PTPRD: variants seen among roughly 807,000 people sequenced by gnomAD.
PTPRD encodes the protein receptor-type tyrosine-protein phosphatase delta.
A neutral mutation model predicts 214.5 loss-of-function variants in PTPRD; 34 were observed. That is an observed-to-expected ratio of 0.16 (90% CI 0.12 to 0.21). The LOEUF (loss-of-function observed/expected upper bound fraction) is 0.21, where lower values mean the gene tolerates loss of function less well. Ranked by LOEUF, PTPRD falls within the 10% of genes least tolerant of loss-of-function variation. The pLI is 1.00. For synonymous variants in PTPRD, 1,128 were observed against 845.7 expected (o/e 1.33, Z -5.79); for missense variants, 2,545 against 2,398.7 (o/e 1.06, Z -1.27).
At chr9:8,618,896 GTTTGTC>G (rs2095706640) in intron 14 of PTPRD, among the ~76,000 whole-genome samples, 1 of 122,830 alleles carries the variant, frequency 8.1e-6, no homozygotes, top group African/African-American at 3.2e-5. Context: ...GTGTGTGTGT[GTTTGTC>G]TGTGTTTTTT....
At chr9:9,673,840 C>T (rs1358141170) in intron 7 of PTPRD, among the ~76,000 whole-genome samples, 1 of 151,418 alleles carries the variant, frequency 6.6e-6, no homozygotes, top group Non-Finnish European at 1.5e-5. Context: ...TGACAGCATA[C>T]CAAAAGATGT....
At chr9:9,554,872 A>G (rs1160084089) in intron 8 of PTPRD, among the ~76,000 whole-genome samples, 1 of 152,118 alleles carries the variant, frequency 6.6e-6, no homozygotes, top group Non-Finnish European at 1.5e-5. Flanking sequence ...AAAACTGCAT[A>G]TTCAATTATT....
chr9:8,581,609 A>G lies in PTPRD; in HGVS notation c.352+51708T>C, dbSNP rs941772378. On this transcript the variant is annotated intron_variant, in intron 14 of 45. Coordinates refer to ENST00000381196, the MANE Select transcript of PTPRD (RefSeq NM_002839.4). ...TAAAAATACAAAAAATTAGCTGGGCATGGTGGCAGATGCCTGTAGTCCCAG... is the reference window on the plus strand; with the variant it reads ...TAAAAATACAAAAAATTAGCTGGGCGTGGTGGCAGATGCCTGTAGTCCCAG... Among the ~76,000 whole-genome samples the G allele has an allele frequency of 3.9e-5, 6 of 152,158 alleles. No individual in the cohort carries two copies. In the East Asian group the frequency reaches 7.8e-4, roughly 20 times the overall value.
At chr9:9,807,175 T>G (rs1297706591) in intron 5 of PTPRD, among the ~76,000 whole-genome samples, 1 of 152,172 alleles carries the variant, frequency 6.6e-6, no homozygotes, top group Non-Finnish European at 1.5e-5. Flanking sequence ...AGCAGAATTA[T>G]TTCCATTGAG....
In PTPRD at chr9:8,466,322, T is replaced by C. The variant is rs557841669; in HGVS notation, c.3505-647A>G. On this transcript the variant is annotated intron_variant, in intron 31 of 45. Coordinates refer to ENST00000381196, the MANE Select transcript of PTPRD (RefSeq NM_002839.4). ...ACTTTATCATGGAGTCAACTTTTTC[T>C]AGAATTGACCTCTCTTGGGAGTGTG... Among the ~76,000 whole-genome samples the C allele has an allele frequency of 2.0e-5, 3 of 152,082 alleles. No homozygotes were observed. The East Asian group carries it at 5.8e-4, about 29-fold the overall frequency.
intron 3 of PTPRD, among the ~76,000 whole-genome samples, chr9:10,213,765 G>T (rs2099527901): frequency 6.6e-6 from 1 of 152,156 alleles, no homozygotes; most frequent in African/African-American, 2.4e-5. Flanking sequence ...TAACACTTTT[G>T]TTGTTACCAA....
chr9:10,248,533 A>AAAAAAAAAAAAAAAAAAAAAAAAAAAAC (rs60272481), intron 3 of PTPRD, among the ~76,000 whole-genome samples: 1 of 127,444 alleles, frequency 7.8e-6, no homozygotes, highest in Admixed American at 8.0e-5. Flanking sequence ...AAAATAAAAA[A>AAAAAAAAAAAAAAAAAAAAAAAAAAAAC]AATAAAGCGA....
At chr9:8,732,674 C>T (rs1209226078) in intron 12 of PTPRD, among the ~76,000 whole-genome samples, 1 of 152,160 alleles carries the variant, frequency 6.6e-6, no homozygotes, top group East Asian at 1.9e-4. Context: ...ATGCATATTA[C>T]ATATGTATCT....
At chr9:10,396,236 C>T (rs2098167847) in intron 2 of PTPRD, among the ~76,000 whole-genome samples, 1 of 151,960 alleles carries the variant, frequency 6.6e-6, no homozygotes. Context: ...AATTAGGACC[C>T]TCTAGACTTT....
At chr9:10,216,087 T>C (rs1020930433) in intron 3 of PTPRD, among the ~76,000 whole-genome samples, 6 of 152,172 alleles carry the variant, frequency 3.9e-5, no homozygotes, top group Admixed American at 2.6e-4. Flanking sequence ...TCCCTTTAGA[T>C]TTTTCCTTTT....
chr9:8,916,747 T>G (rs1049006107), intron 11 of PTPRD, among the ~76,000 whole-genome samples: 3 of 152,208 alleles, frequency 2.0e-5, no homozygotes, highest in Admixed American at 6.5e-5. Context: ...CATCATTCCC[T>G]CTAGAAAACC....
chr9:8,938,905 A>C (rs1410436493), intron 11 of PTPRD, among the ~76,000 whole-genome samples: 2 of 152,174 alleles, frequency 1.3e-5, no homozygotes, highest in Admixed American at 1.3e-4. Flanking sequence ...TGTAATAATT[A>C]TATGCTCAGC....
At chr9:8,633,206 C>A (rs1595724741) in intron 14 of PTPRD, 111 bp downstream of exon 14, 4 of 1,338,600 alleles carry the variant, frequency 3.0e-6, no homozygotes. Flanking sequence ...AAACATTTAA[C>A]TGAGTTTCCC....
At chr9:9,711,494 T>C (rs989382895) in intron 7 of PTPRD, among the ~76,000 whole-genome samples, 3 of 152,310 alleles carry the variant, frequency 2.0e-5, no homozygotes, top group African/African-American at 7.2e-5. Flanking sequence ...ATATGCCTAA[T>C]AATAATAATT....
rs372720386 is a variant in PTPRD at position 9,363,937 on chromosome 9, C to A, written c.-203+33512G>T. Among the ~76,000 whole-genome samples the A allele has an allele frequency of 1.6e-4, 24 of 151,432 alleles. 2 individuals carry two copies. Among genetic ancestry groups the A allele is most frequent in the African/African-American group, 5.8e-4 (24 of 41,434 alleles). On this transcript the variant is annotated intron_variant, in intron 9 of 45. Coordinates refer to ENST00000381196, the MANE Select transcript of PTPRD (RefSeq NM_002839.4). ...AATGAAATTATAAAAAAGTGTTCAT[C>A]CTTTGTAATTCATTATATCCCCACA...
At chr9:8,732,971 A>G (rs2098676132) in intron 12 of PTPRD, among the ~76,000 whole-genome samples, 1 of 152,190 alleles carries the variant, frequency 6.6e-6, no homozygotes, top group African/African-American at 2.4e-5. Context: ...GAACTAAACC[A>G]CTACCAAGGA....
intron 8 of PTPRD, among the ~76,000 whole-genome samples, chr9:9,541,366 A>G (rs543007952): frequency 6.6e-6 from 1 of 151,928 alleles, no homozygotes; most frequent in South Asian, 2.1e-4. Flanking sequence ...CACCATGTGA[A>G]TATAGCAGTC....
chr9:10,595,005 T>C (rs528592199), intron 2 of PTPRD, among the ~76,000 whole-genome samples: 123 of 97,626 alleles, frequency 1.3e-3, no homozygotes, highest in African/African-American at 4.1e-3. Context: ...CAATGACAGG[T>C]TGACTTAATT....
At chr9:9,424,926 C>A (rs981784867) in intron 8 of PTPRD, among the ~76,000 whole-genome samples, 1 of 152,148 alleles carries the variant, frequency 6.6e-6, no homozygotes, top group Non-Finnish European at 1.5e-5. Context: ...ATGCACCAAT[C>A]AAGAATTAGG....
Sources: allele counts gnomAD v4.1 joint callset (sites outside exome capture counted in the v4.1 genomes callset), GRCh38; gene constraint gnomAD v4.1.1; transcripts MANE v1.5; gene names NCBI Gene and HGNC (gene_info 2026-07-23, HGNC 2026-07-21).